The following MAGI2 variants were observed in gnomAD, a reference collection of about 807,000 sequenced individuals.
MAGI2 encodes membrane-associated guanylate kinase, WW and PDZ domain-containing protein 2.
A neutral mutation model predicts 133.3 loss-of-function variants in MAGI2; 35 were observed. The ratio of observed to expected loss-of-function variants is 0.26; its 90% CI spans 0.20 to 0.35. MAGI2 has a LOEUF of 0.35. Ranked by LOEUF, MAGI2 falls within the 10% of genes least tolerant of loss-of-function variation. The probability of loss-of-function intolerance (pLI) is 1.00; values close to 1 mark genes in which losing one functional copy is unlikely to be tolerated. For synonymous variants in MAGI2, 729 were observed against 710.6 expected, an observed-to-expected ratio of 1.03 and a Z score of -0.41; for missense variants, 1,636 against 1,863.4, an observed-to-expected ratio of 0.88 and a Z score of 2.25.
intron 2 of MAGI2, among the ~76,000 whole-genome samples, chr7:78,910,260 A>ATTCT (rs1554603656): frequency 9.8e-6 from 1 of 102,354 alleles, no homozygotes; most frequent in African/African-American, 4.3e-5. Flanking sequence ...ACTTAAAGTA[A>ATTCT]TTCTTTTTTT....
chr7:78,071,799 G>A (rs1358664459), intron 21 of MAGI2, among the ~76,000 whole-genome samples: 2 of 152,204 alleles, frequency 1.3e-5, no homozygotes, highest in African/African-American at 4.8e-5. Flanking sequence ...AAGCTCTCAT[G>A]GAAAAGGAAG....
At chr7:78,973,515 T>G (rs1389083504) in intron 2 of MAGI2, among the ~76,000 whole-genome samples, 1 of 151,880 alleles carries the variant, frequency 6.6e-6, no homozygotes, top group Non-Finnish European at 1.5e-5. Context: ...ATAGATTCAC[T>G]GTGATGGACT....
chr7:78,387,319 G>A (rs986028295), intron 6 of MAGI2, among the ~76,000 whole-genome samples: 9 of 152,136 alleles, frequency 5.9e-5, no homozygotes, highest in African/African-American at 2.2e-4. Flanking sequence ...ACATGAACAG[G>A]TGTAAGTCCT....
intron 1 of MAGI2, among the ~76,000 whole-genome samples, chr7:79,107,476 A>G (rs936670207): frequency 1.3e-5 from 2 of 152,244 alleles, no homozygotes; most frequent in African/African-American, 4.8e-5. Flanking sequence ...GTCTTGTGAC[A>G]TTCTAAGCAA....
chr7:79,424,756 C>G (rs1847222839), intron 1 of MAGI2, among the ~76,000 whole-genome samples: 1 of 152,112 alleles, frequency 6.6e-6, no homozygotes, highest in Admixed American at 6.5e-5. Context: ...TCTATATTCA[C>G]TCAGAAGGGA....
At chr7:78,480,900 G>A (rs1213227402) in intron 6 of MAGI2, among the ~76,000 whole-genome samples, 2 of 151,844 alleles carry the variant, frequency 1.3e-5, no homozygotes, top group African/African-American at 4.8e-5. Flanking sequence ...ACGAAATGCT[G>A]ATGAAAGAAC....
intron 1 of MAGI2, chr7:79,409,877 C>G (rs533280611): frequency 6.6e-6 from 1 of 152,164 alleles, no homozygotes; most frequent in South Asian, 2.1e-4. Context: ...CAAAGGATAA[C>G]ATTTCCAATA....
Position 78,459,030 on chromosome 7 carries a change from A to G in MAGI2, c.1045+30731T>C, listed in dbSNP as rs116083542. ...TTTAACTTAGAAGCTGTTGACTGATAATACTGAGTTTGATAAAAGAGCATT... is the reference window on the plus strand; with the variant it reads ...TTTAACTTAGAAGCTGTTGACTGATGATACTGAGTTTGATAAAAGAGCATT... On this transcript the variant is annotated intron_variant, in intron 6 of 21. Coordinates refer to ENST00000354212, the MANE Select transcript of MAGI2 (RefSeq NM_012301.4). Among the ~76,000 whole-genome samples the G allele has an allele frequency of 6.9e-3, 1,057 of 152,356 alleles. 16 individuals are homozygous for G. The highest frequency in any genetic ancestry group is 0.025 in the African/African-American group (1,021 of 41,578).
At chr7:78,492,965 T>C (rs62467107) in intron 5 of MAGI2, among the ~76,000 whole-genome samples, 1 of 152,224 alleles carries the variant, frequency 6.6e-6, no homozygotes, top group South Asian at 2.1e-4. Flanking sequence ...GTGATGATCA[T>C]GAAAAGTGAG....
At chr7:79,135,611 G>T (rs1821318803) in intron 1 of MAGI2, among the ~76,000 whole-genome samples, 1 of 152,024 alleles carries the variant, frequency 6.6e-6, no homozygotes, top group South Asian at 2.1e-4. Context: ...TTCCTTTTCT[G>T]TTTCTTCCTC....
intron 2 of MAGI2, among the ~76,000 whole-genome samples, chr7:78,763,375 C>T (rs1448398031): frequency 6.6e-6 from 1 of 152,160 alleles, no homozygotes; most frequent in Non-Finnish European, 1.5e-5. Context: ...TCATATACTA[C>T]TAGCCAATCC....
At position 79,087,400 on chromosome 7, in the gene MAGI2, C is replaced by G. The variant is rs80348378; in HGVS notation, c.302-80194G>C. Reference sequence around the variant, plus strand: ...TTTCTTAAAATCATTCCTGTAGTCACCATTCACCATTAACATAGATTCAGT... The same window carrying G: ...TTTCTTAAAATCATTCCTGTAGTCAGCATTCACCATTAACATAGATTCAGT... On this transcript the variant is annotated intron_variant, in intron 1 of 21. Coordinates refer to ENST00000354212, the MANE Select transcript of MAGI2 (RefSeq NM_012301.4). 7.7e-3 allele frequency among the ~76,000 whole-genome samples: 1,169 copies of G among 151,974 alleles called. 21 individuals are homozygous for G. The highest frequency in any genetic ancestry group is 0.027 in the African/African-American group (1,110 of 41,492).
intron 7 of MAGI2, among the ~76,000 whole-genome samples, chr7:78,354,316 T>C (rs1791839792): frequency 6.6e-6 from 1 of 152,302 alleles, no homozygotes; most frequent in African/African-American, 2.4e-5. Context: ...TATAACTTAA[T>C]TGAACTCCAA....
intron 21 of MAGI2, among the ~76,000 whole-genome samples, chr7:78,063,902 G>A (rs1813539377): frequency 2.0e-5 from 3 of 151,980 alleles, no homozygotes; most frequent in Admixed American, 2.0e-4. Context: ...TATATCCCTA[G>A]CAATGAGCAA....
At chr7:78,995,145 T>A (rs1442185194) in intron 2 of MAGI2, among the ~76,000 whole-genome samples, 1 of 151,794 alleles carries the variant, frequency 6.6e-6, no homozygotes, top group Non-Finnish European at 1.5e-5. Context: ...ACACTTAAAA[T>A]ATACTAACAC....
At chr7:79,160,627 T>C (rs1384893435) in intron 1 of MAGI2, among the ~76,000 whole-genome samples, 1 of 152,014 alleles carries the variant, frequency 6.6e-6, no homozygotes, top group Non-Finnish European at 1.5e-5. Flanking sequence ...TTACATGTAA[T>C]CCAAATGCAC....
At chr7:79,064,129 T>C (rs13221104) in intron 1 of MAGI2, among the ~76,000 whole-genome samples, 5,559 of 152,118 alleles carry the variant, frequency 0.037, 153 homozygotes, top group South Asian at 0.068. Context: ...AAATATATAG[T>C]CACATGGAAT....
At chr7:78,502,868 C>A (rs74965876) in intron 4 of MAGI2, among the ~76,000 whole-genome samples, 1 of 151,958 alleles carries the variant, frequency 6.6e-6, no homozygotes, top group Non-Finnish European at 1.5e-5. Context: ...AGAAATAAGT[C>A]GACAAACAAT....
intron 1 of MAGI2, among the ~76,000 whole-genome samples, chr7:79,330,133 A>G (rs996927486): frequency 1.3e-5 from 2 of 149,830 alleles, no homozygotes; most frequent in Non-Finnish European, 3.0e-5. Flanking sequence ...AGAATGATCA[A>G]ATACCTCTTG....
Sources: gnomAD v4.1 joint callset for allele counts (sites outside exome capture counted in the v4.1 genomes callset) on GRCh38, gnomAD v4.1.1 for gene constraint, MANE v1.5 for transcripts, NCBI Gene and HGNC (gene_info 2026-07-23, HGNC 2026-07-21) for gene names.